Variants in SNTG2 observed in about 807,000 individuals in gnomAD.
SNTG2 encodes the protein syntrophin gamma 2.
In SNTG2, 74 loss-of-function variants were observed where a neutral mutation model predicts 70.9. The observed-to-expected ratio is 1.04, with a 90% CI of 0.86 to 1.27. The LOEUF (loss-of-function observed/expected upper bound fraction) is 1.27, where lower values mean the gene tolerates loss of function less well. Among genes scored for constraint, SNTG2 ranks in the 50% most tolerant of loss-of-function variants. SNTG2 has a pLI of 0.00. For missense variants in SNTG2, 717 were observed against 690.7 expected (o/e 1.04, Z -0.43); for synonymous variants, 278 against 273.8 (o/e 1.02, Z -0.15).
intron 1 of SNTG2, among the ~76,000 whole-genome samples, chr2:1,026,649 C>T (rs73164791): frequency 0.012 from 1,802 of 152,276 alleles, 37 homozygotes; most frequent in African/African-American, 0.041. Context: ...CTCATTCTCC[C>T]GAGTAGCCTT....
At chr2:980,069 T>A (rs1408052604) in intron 1 of SNTG2, among the ~76,000 whole-genome samples, 1 of 152,188 alleles carries the variant, frequency 6.6e-6, no homozygotes, top group African/African-American at 2.4e-5. Flanking sequence ...CCAGAGAGTA[T>A]CTATGACTTC....
intron 16 of SNTG2, among the ~76,000 whole-genome samples, chr2:1,326,699 AT>A (rs1681776214): frequency 6.6e-6 from 1 of 152,198 alleles, no homozygotes; most frequent in Non-Finnish European, 1.5e-5. Context: ...AACAAAAAAA[AT>A]CACCTTTGCA....
chr2:1,248,931 G>T (rs900123174), intron 12 of SNTG2, among the ~76,000 whole-genome samples: 1 of 152,102 alleles, frequency 6.6e-6, no homozygotes, highest in African/African-American at 2.4e-5. Flanking sequence ...GAAAAGCAAG[G>T]GTTCAAAACA....
At position 1,056,940 on chromosome 2, in the gene SNTG2, GC is replaced by G. The variant is rs1447670427; in HGVS notation, c.73-26577del. Among the ~76,000 whole-genome samples the G allele has an allele frequency of 3.1e-4, 25 of 81,382 alleles. 5 individuals carry two copies. Among genetic ancestry groups the G allele is most frequent in the African/African-American group, 9.2e-4 (19 of 20,604 alleles). 53.4% of individuals were successfully genotyped at this position (81,382 alleles called of 152,430 possible). On this transcript the variant is annotated intron_variant, in intron 1 of 16. Transcript: ENST00000308624. ...CTGTGGGGAGGGAGGGAGGGAGAGCGCGGCGCCCCGCTGTGGGGAGGGAGGG... is the reference window on the plus strand; with the variant it reads ...CTGTGGGGAGGGAGGGAGGGAGAGCGGGCGCCCCGCTGTGGGGAGGGAGGG...
chr2:1,123,707 T>C (rs1220885181), intron 4 of SNTG2, among the ~76,000 whole-genome samples: 1 of 152,160 alleles, frequency 6.6e-6, no homozygotes, highest in Non-Finnish European at 1.5e-5. Flanking sequence ...ATAGATAAAT[T>C]GGACTACATC....
At chr2:1,123,460 GTA>G (rs1307223909) in intron 4 of SNTG2, among the ~76,000 whole-genome samples, 2 of 152,342 alleles carry the variant, frequency 1.3e-5, no homozygotes, top group East Asian at 3.9e-4. Context: ...AATGGAGAAT[GTA>G]TAGTCTTTTC....
chr2:995,294 T>C (rs936085558), intron 1 of SNTG2, among the ~76,000 whole-genome samples: 6 of 152,142 alleles, frequency 3.9e-5, no homozygotes. Flanking sequence ...TTTTATCTAA[T>C]GCTTTTTCTG....
chr2:1,176,685 G>A (rs1014638958), intron 8 of SNTG2, among the ~76,000 whole-genome samples: 1 of 151,570 alleles, frequency 6.6e-6, no homozygotes, highest in Non-Finnish European at 1.5e-5. Context: ...CAAAGGACAC[G>A]AACAGATACT....
chr2:1,299,617 G>T (rs1680363978), intron 14 of SNTG2, among the ~76,000 whole-genome samples: 1 of 152,186 alleles, frequency 6.6e-6, no homozygotes, highest in Non-Finnish European at 1.5e-5. Flanking sequence ...ATAAGATACT[G>T]GGGGCTAAGA....
chr2:1,283,960 A>G (rs1223371681), intron 14 of SNTG2, among the ~76,000 whole-genome samples: 1 of 152,154 alleles, frequency 6.6e-6, no homozygotes, highest in Non-Finnish European at 1.5e-5. Context: ...TATGTTTGAC[A>G]GCTTTAAACT....
At chr2:1,173,905 A>G (rs766521284) in intron 8 of SNTG2, among the ~76,000 whole-genome samples, 1 of 152,284 alleles carries the variant, frequency 6.6e-6, no homozygotes, top group Non-Finnish European at 1.5e-5. Context: ...AGAAATGTAG[A>G]ATCCTGTAAG....
chr2:951,595 A>G (rs73908608), intron 1 of SNTG2, among the ~76,000 whole-genome samples: 4,496 of 152,314 alleles, frequency 0.03, 208 homozygotes, highest in African/African-American at 0.1. Context: ...CCAACTGGGT[A>G]ATACGGATTT....
At chr2:1,132,087 A>G (rs892092384) in intron 4 of SNTG2, among the ~76,000 whole-genome samples, 1 of 152,212 alleles carries the variant, frequency 6.6e-6, no homozygotes, top group Non-Finnish European at 1.5e-5. Flanking sequence ...TCTCTGCTAC[A>G]TTGTTTTACA....
At chr2:957,368 T>G (rs1038403787) in intron 1 of SNTG2, among the ~76,000 whole-genome samples, 2 of 152,128 alleles carry the variant, frequency 1.3e-5, no homozygotes, top group African/African-American at 4.8e-5. Context: ...GAAGTAGCTC[T>G]GGGTCTCAGG....
chr2:1,087,256 G>A (rs1337704591), intron 2 of SNTG2, among the ~76,000 whole-genome samples: 2 of 152,214 alleles, frequency 1.3e-5, no homozygotes, highest in Non-Finnish European at 2.9e-5. Context: ...TCATGGCTGT[G>A]CTGGCCTCAT....
chr2:1,340,945 A>G (rs779756788), intron 16 of SNTG2: 13 of 152,190 alleles, frequency 8.5e-5, no homozygotes, highest in Non-Finnish European at 1.3e-4. Context: ...TATAGCTGCC[A>G]TTTTTGATGT....
intron 1 of SNTG2, among the ~76,000 whole-genome samples, chr2:965,036 C>A (rs1255447617): frequency 6.6e-6 from 1 of 152,040 alleles, no homozygotes; most frequent in Non-Finnish European, 1.5e-5. Context: ...TTCCTGCACC[C>A]CCAATCTTCA....
intron 1 of SNTG2, among the ~76,000 whole-genome samples, chr2:1,071,508 G>C (rs1244278485): frequency 4.6e-5 from 5 of 107,930 alleles, no homozygotes; most frequent in Non-Finnish European, 9.7e-5. Flanking sequence ...TGGTGGGGTG[G>C]GGGGAGGGGG....
Position 957,663 on chromosome 2 carries a change from T to C in SNTG2, c.72+6595T>C, listed in dbSNP as rs144072435. On this transcript the variant is annotated intron_variant, in intron 1 of 16. Transcript: ENST00000308624. ...TACAATGTGTTCCCTCTTCTATAGA[T>C]GAGGTCGGGCAACATTTGTCTTCCG... is the stretch of plus-strand genomic sequence containing the variant. Among the ~76,000 whole-genome samples the C allele has an allele frequency of 8.8e-3, 1,341 of 151,960 alleles. 19 individuals carry two copies. The highest frequency in any genetic ancestry group is 0.026 in the African/African-American group (1,087 of 41,430).
Sources: gnomAD v4.1 joint callset for allele counts (sites outside exome capture counted in the v4.1 genomes callset) on GRCh38, gnomAD v4.1.1 for gene constraint, MANE v1.5 for transcripts, NCBI Gene and HGNC (gene_info 2026-07-23, HGNC 2026-07-21) for gene names.